Variants in PPA2 observed in about 807,000 individuals in gnomAD.
PPA2 encodes inorganic pyrophosphatase 2.
In PPA2, 48 loss-of-function variants were observed where a neutral mutation model predicts 49.5. The ratio of observed to expected loss-of-function variants is 0.97; its 90% CI spans 0.77 to 1.23. PPA2 has a LOEUF of 1.23. PPA2 is among the 50% of genes most tolerant of loss of function. The pLI is 0.00. For synonymous variants in PPA2, 131 were observed against 139.9 expected, an observed-to-expected ratio of 0.94 and a Z score of 0.45; for missense variants, 429 against 410.1, an observed-to-expected ratio of 1.05 and a Z score of -0.40.
intron 5 of PPA2, chr4:105,446,161 T>C: frequency 2.6e-6 from 1 of 384,166 alleles, no homozygotes; most frequent in Non-Finnish European, 4.6e-6. Context: ...AATGTGAACA[T>C]TCCATATGCC....
intron 5 of PPA2, among the ~76,000 whole-genome samples, chr4:105,438,991 A>T (rs2110291387): frequency 6.6e-6 from 1 of 152,166 alleles, no homozygotes; most frequent in Admixed American, 6.5e-5. Flanking sequence ...TTCAGAAATA[A>T]CCTGGCCTAA....
At chr4:105,471,299 C>T (rs532359725) in intron 1 of PPA2, among the ~76,000 whole-genome samples, 1 of 152,224 alleles carries the variant, frequency 6.6e-6, no homozygotes. Context: ...CCTGATGATT[C>T]CCATCAGGAT....
At chr4:105,440,975 G>A (rs184504921) in intron 5 of PPA2, among the ~76,000 whole-genome samples, 193 of 152,186 alleles carry the variant, frequency 1.3e-3, no homozygotes, top group African/African-American at 4.6e-3. Context: ...TGCATCTACA[G>A]GCCTTAGTTT....
At chr4:105,466,100 T>A (rs2110330695) in intron 1 of PPA2, among the ~76,000 whole-genome samples, 1 of 152,224 alleles carries the variant, frequency 6.6e-6, no homozygotes, top group South Asian at 2.1e-4. Context: ...CCACTACACC[T>A]TCTACTGACT....
Position 105,391,344 on chromosome 4 carries a change from C to CAAAAAAAAAAAAAAAAAAAAA in PPA2, c.870-4709_870-4708insTTTTTTTTTTTTTTTTTTTTT, listed in dbSNP as rs11373169. On this transcript the variant is annotated intron_variant, in intron 9 of 11. Coordinates refer to ENST00000341695, the MANE Select transcript of PPA2 (RefSeq NM_176869.3). The stretch of plus-strand genomic sequence containing the variant: ...ACATGTATCCTGGAACTTAAAGTAA[C>CAAAAAAAAAAAAAAAAAAAAA]AAAAAAAAAAAAAAAAAAAGGAAGT... 3.9e-5 allele frequency among the ~76,000 whole-genome samples: 4 copies of CAAAAAAAAAAAAAAAAAAAAA among 102,522 alleles called. 2 individuals carry two copies. The highest frequency in any genetic ancestry group is 7.6e-5 in the African/African-American group (2 of 26,260). The allele number at this position is 102,522 out of a possible 152,430, so 67.3% of individuals were successfully genotyped here. A position where few individuals can be genotyped will look rare whatever the true frequency, so the allele number is the denominator to read the frequency against.
chr4:105,387,701 A>G (rs1367170666), intron 9 of PPA2, among the ~76,000 whole-genome samples: 1 of 152,082 alleles, frequency 6.6e-6, no homozygotes, highest in South Asian at 2.1e-4. Context: ...TTTTTTTGCC[A>G]CTATAGCACA....
At chr4:105,406,223 G>C (rs989418277) in intron 7 of PPA2, among the ~76,000 whole-genome samples, 1 of 151,278 alleles carries the variant, frequency 6.6e-6, no homozygotes, top group South Asian at 2.1e-4. Context: ...AAAAAACAGG[G>C]AAGTAGAAGA....
At chr4:105,419,891 G>A (rs980646003) in intron 7 of PPA2, among the ~76,000 whole-genome samples, 6 of 151,196 alleles carry the variant, frequency 4.0e-5, no homozygotes, top group Non-Finnish European at 8.8e-5. Flanking sequence ...GAACTAAAAC[G>A]AGCTTCATTT....
At chr4:105,445,476 T>TG (rs1722337798) in intron 5 of PPA2, among the ~76,000 whole-genome samples, 1 of 136,450 alleles carries the variant, frequency 7.3e-6, no homozygotes, top group South Asian at 2.7e-4. Flanking sequence ...CCTGACTCTT[T>TG]AGAAAACAAT....
chr4:105,449,036 G>T, intron 4 of PPA2, among the ~76,000 whole-genome samples: 1 of 128,238 alleles, frequency 7.8e-6, no homozygotes, highest in Non-Finnish European at 1.6e-5. Flanking sequence ...GGCTAAAACG[G>T]TGAAACCCCG....
intron 1 of PPA2, among the ~76,000 whole-genome samples, chr4:105,458,078 G>A (rs969872045): frequency 1.3e-5 from 2 of 151,970 alleles, no homozygotes; most frequent in African/African-American, 4.8e-5. Flanking sequence ...GGCCAAAGCT[G>A]GAACAATTTG....
At chr4:105,473,070 A>G (rs1723591983) in intron 1 of PPA2, among the ~76,000 whole-genome samples, 1 of 151,840 alleles carries the variant, frequency 6.6e-6, no homozygotes, top group Non-Finnish European at 1.5e-5. Context: ...TGATACTACC[A>G]CTCCAAGGCT....
chr4:105,445,686 TTC>T (rs1722347520), intron 5 of PPA2, among the ~76,000 whole-genome samples: 1 of 152,186 alleles, frequency 6.6e-6, no homozygotes, highest in Non-Finnish European at 1.5e-5. Context: ...AGGCAGATGG[TTC>T]TCTGTGTCCC....
At chr4:105,473,859 G>C (rs370114577) in intron 1 of PPA2, 35 bp downstream of exon 1, 2 of 1,572,452 alleles carry the variant, frequency 1.3e-6, no homozygotes, top group African/African-American at 2.7e-5. Context: ...GGTTTCTCCG[G>C]TGCGCCGCTC....
At chr4:105,457,145 A>G (rs1246465655) in intron 1 of PPA2, among the ~76,000 whole-genome samples, 1 of 152,186 alleles carries the variant, frequency 6.6e-6, no homozygotes, top group Non-Finnish European at 1.5e-5. Flanking sequence ...AGTATTCCCA[A>G]TTTCTACCTA....
At chr4:105,397,578 C>T (rs1054781866) in intron 8 of PPA2, among the ~76,000 whole-genome samples, 4 of 152,140 alleles carry the variant, frequency 2.6e-5, no homozygotes, top group Non-Finnish European at 4.4e-5. Context: ...GATTTGTCCT[C>T]TCAAATCTCA....
intron 3 of PPA2, among the ~76,000 whole-genome samples, chr4:105,453,302 A>C (rs1722744787): frequency 6.6e-6 from 1 of 152,200 alleles, no homozygotes; most frequent in Admixed American, 6.5e-5. Flanking sequence ...ATGGTGAAAA[A>C]GTTCTGGAGA....
intron 9 of PPA2, 54 bp from the exon 10 acceptor site, chr4:105,386,690 CA>C: frequency 1.2e-5 from 18 of 1,479,004 alleles, no homozygotes; most frequent in South Asian, 2.4e-5. Context: ...AAACAATTAC[CA>C]AAAAAACCCC....
At chr4:105,396,648 C>T (rs1734160579) in intron 8 of PPA2, among the ~76,000 whole-genome samples, 1 of 135,082 alleles carries the variant, frequency 7.4e-6, no homozygotes, top group Admixed American at 8.0e-5. Flanking sequence ...TGAACAGTCA[C>T]ATTTGCTTGT....
Sources: allele counts gnomAD v4.1 joint callset (sites outside exome capture counted in the v4.1 genomes callset), GRCh38; gene constraint gnomAD v4.1.1; transcripts MANE v1.5; gene names NCBI Gene and HGNC (gene_info 2026-07-23, HGNC 2026-07-21).